The following TENM2 variants were observed in gnomAD, a reference collection of about 807,000 sequenced individuals.
TENM2 encodes teneurin transmembrane protein 2, also known as teneurin-2.
Under a neutral mutation model 245.2 loss-of-function variants are expected in TENM2, and 52 were observed. The observed-to-expected ratio is 0.21, with a 90% CI of 0.17 to 0.27. The LOEUF (loss-of-function observed/expected upper bound fraction) is 0.27, where lower values mean the gene tolerates loss of function less well. Ranked by LOEUF, TENM2 falls within the 10% of genes least tolerant of loss-of-function variation. The pLI, the probability that TENM2 is intolerant of heterozygous loss-of-function variation, is 1.00. For missense variants in TENM2, 3,046 were observed against 3,666.8 expected, an observed-to-expected ratio of 0.83 and a Z score of 4.37; for synonymous variants, 1,363 against 1,438.9, an observed-to-expected ratio of 0.95 and a Z score of 1.19.
At chr5:167,774,777 C>T (rs762575497) in intron 2 of TENM2, among the ~76,000 whole-genome samples, 8 of 152,082 alleles carry the variant, frequency 5.3e-5, no homozygotes, top group East Asian at 1.9e-4. Flanking sequence ...GTAGGAATTT[C>T]GAGGACTGTC....
At chr5:168,145,706 A>G (rs1351128612) in intron 12 of TENM2, among the ~76,000 whole-genome samples, 1 of 151,482 alleles carries the variant, frequency 6.6e-6, no homozygotes, top group Non-Finnish European at 1.5e-5. Context: ...GTTTTTTCCA[A>G]TTCTGTGAAG....
At chr5:167,382,647 A>G (rs1435271867) in intron 2 of TENM2, among the ~76,000 whole-genome samples, 2 of 152,090 alleles carry the variant, frequency 1.3e-5, no homozygotes, top group African/African-American at 4.8e-5. Flanking sequence ...TTAACAGATA[A>G]CCTATGCAGA....
chr5:167,886,840 G>A (rs1012059344), intron 3 of TENM2, among the ~76,000 whole-genome samples: 5 of 152,134 alleles, frequency 3.3e-5, no homozygotes, highest in Admixed American at 3.3e-4. Flanking sequence ...TATTCAACAA[G>A]TATGTATTGA....
At chr5:167,467,915 G>A (rs1030322308) in intron 2 of TENM2, among the ~76,000 whole-genome samples, 6 of 152,102 alleles carry the variant, frequency 3.9e-5, no homozygotes, top group African/African-American at 1.2e-4. Context: ...AAACCTATAA[G>A]CTGGCATGTA....
rs116309125 is a variant in TENM2, at chr5:167,988,302, T to C, written c.948-4642T>C. ...ATTTATTTAACAACGATTTGTTGAG[T>C]TCCCCCACTGTAAGCCAGGCTCTAT... is the stretch of plus-strand genomic sequence containing the variant. On this transcript the variant is annotated intron_variant, in intron 4 of 28. Transcript: ENST00000518659. Among the ~76,000 whole-genome samples the C allele has an allele frequency of 2.4e-3, 373 of 152,310 alleles. 1 individual carries two copies. Among genetic ancestry groups the C allele is most frequent in the African/African-American group, 8.6e-3 (358 of 41,570 alleles).
At chr5:167,416,799 C>T (rs1029218118) in intron 2 of TENM2, among the ~76,000 whole-genome samples, 4 of 152,124 alleles carry the variant, frequency 2.6e-5, no homozygotes, top group Non-Finnish European at 5.9e-5. Flanking sequence ...CAGATTCATG[C>T]AGAAAACTAC....
the TENM2 span, among the ~76,000 whole-genome samples, chr5:167,006,647 T>C: frequency 6.6e-6 from 1 of 151,348 alleles, no homozygotes; most frequent in Non-Finnish European, 1.5e-5. Context: ...GAACTACATA[T>C]TCCATCTTTT....
intron 4 of TENM2, among the ~76,000 whole-genome samples, chr5:167,986,009 G>C (rs1298467276): frequency 1.3e-5 from 2 of 152,170 alleles, no homozygotes; most frequent in Non-Finnish European, 2.9e-5. Flanking sequence ...CTTTTGAATT[G>C]GTGGGGGCTC....
chr5:167,477,358 A>G (rs1481681217), intron 2 of TENM2, among the ~76,000 whole-genome samples: 1 of 152,022 alleles, frequency 6.6e-6, no homozygotes, highest in East Asian at 1.9e-4. Context: ...CTCTTCACAA[A>G]TGTCAACACA....
At chr5:167,239,148 AGTGCCTT>A in the TENM2 span, among the ~76,000 whole-genome samples, 1 of 152,220 alleles carries the variant, frequency 6.6e-6, no homozygotes, top group Non-Finnish European at 1.5e-5. Flanking sequence ...ATCTTTGAAG[AGTGCCTT>A]GTCATGTTCA....
At chr5:167,485,776 A>G (rs1768025670) in intron 2 of TENM2, among the ~76,000 whole-genome samples, 1 of 152,140 alleles carries the variant, frequency 6.6e-6, no homozygotes, top group Non-Finnish European at 1.5e-5. Flanking sequence ...GAGGGTTCAC[A>G]TTTTGTATCT....
intron 1 of TENM2, among the ~76,000 whole-genome samples, chr5:167,374,652 T>C (rs1049434322): frequency 6.6e-6 from 1 of 151,844 alleles, no homozygotes; most frequent in East Asian, 1.9e-4. Flanking sequence ...CATTAGAGGG[T>C]TAACGCTGTA....
At chr5:168,126,707 G>T in intron 11 of TENM2, 47 bp from the exon 14 acceptor site, 2 of 1,522,780 alleles carry the variant, frequency 1.3e-6, no homozygotes, top group Non-Finnish European at 1.8e-6. Flanking sequence ...TCCATGGAAG[G>T]TTTCACCAGC....
intron 2 of TENM2, among the ~76,000 whole-genome samples, chr5:167,737,260 A>C (rs1009767963): frequency 6.6e-6 from 1 of 152,192 alleles, no homozygotes. Flanking sequence ...TCTGTGGTTC[A>C]TACAGAGGCT....
At chr5:167,383,413 A>C (rs1432539590) in intron 2 of TENM2, among the ~76,000 whole-genome samples, 1 of 152,128 alleles carries the variant, frequency 6.6e-6, no homozygotes, top group Non-Finnish European at 1.5e-5. Flanking sequence ...TGTAAGTCAG[A>C]ATCCACAGAA....
chr5:167,098,005 T>A, the TENM2 span, among the ~76,000 whole-genome samples: 1 of 152,306 alleles, frequency 6.6e-6, no homozygotes, highest in African/African-American at 2.4e-5. Flanking sequence ...TATACTATTT[T>A]TTCCTCCCAT....
chr5:167,634,801 T>C (rs1779091011), intron 2 of TENM2, among the ~76,000 whole-genome samples: 1 of 152,148 alleles, frequency 6.6e-6, no homozygotes, highest in African/African-American at 2.4e-5. Flanking sequence ...CTCAAAAACC[T>C]TTTCTTTACT....
At chr5:167,646,206 T>TATATATATATATATATATGTTGTTTTC (rs1561634244) in intron 2 of TENM2, among the ~76,000 whole-genome samples, 12 of 123,162 alleles carry the variant, frequency 9.7e-5, no homozygotes, top group African/African-American at 4.6e-4. Context: ...TTTTCATATA[T>TATATATATATATATATATGTTGTTTTC]ATATATATAT....
chr5:167,454,124 A>C (rs1256242601), intron 2 of TENM2, among the ~76,000 whole-genome samples: 2 of 152,174 alleles, frequency 1.3e-5, no homozygotes, highest in African/African-American at 4.8e-5. Context: ...TCACCAAGAA[A>C]GGTATATTAA....
Sources: gnomAD v4.1 joint callset for allele counts (sites outside exome capture counted in the v4.1 genomes callset) on GRCh38, gnomAD v4.1.1 for gene constraint, MANE v1.5 for transcripts, NCBI Gene and HGNC (gene_info 2026-07-23, HGNC 2026-07-21) for gene names.